The following MAST4 variants were observed in gnomAD, a reference collection of about 807,000 sequenced individuals.
The protein encoded by MAST4 is microtubule-associated serine/threonine-protein kinase 4.
A neutral mutation model predicts 162.7 loss-of-function variants in MAST4; 89 were observed. The observed-to-expected ratio is 0.55, with a 90% CI of 0.46 to 0.65. The LOEUF is 0.65. MAST4 is among the 30% of genes least tolerant of loss of function. The probability of loss-of-function intolerance (pLI) is 0.00; values close to 1 mark genes in which losing one functional copy is unlikely to be tolerated. For missense variants in MAST4, 3,153 were observed against 3,374.0 expected, an observed-to-expected ratio of 0.93 and a Z score of 1.62; for synonymous variants, 1,479 against 1,361.1, an observed-to-expected ratio of 1.09 and a Z score of -1.91.
chr5:67,100,487 C>A lies in MAST4; in HGVS notation c.965C>A (p.Pro322Gln), dbSNP rs755039379. ...KLHQLPYQPTPDELHFLSKHF... is the reference protein window; with the variant it reads ...KLHQLPYQPTQDELHFLSKHF... Reference sequence around the variant, plus strand: ...CATCAGTTACCATACCAACCAACACCAGACGAGTTACACTTCTTATCAAAA... The same window carrying A: ...CATCAGTTACCATACCAACCAACACAAGACGAGTTACACTTCTTATCAAAA... Residue 322 changes from proline to glutamine, a missense_variant, in exon 8 of 29, where the codon CCA (proline) becomes CAA (glutamine). Transcript: ENST00000403625. 6.2e-7 allele frequency: 1 copy of A among 1,613,916 alleles called. No individual in the cohort carries two copies. The highest frequency in any genetic ancestry group is 8.5e-7 in the Non-Finnish European group (1 of 1,179,850).
intron 3 of MAST4, among the ~76,000 whole-genome samples, chr5:66,875,314 T>C (rs1371488864): frequency 2.6e-5 from 4 of 152,218 alleles, no homozygotes; most frequent in Admixed American, 6.5e-5. Flanking sequence ...CCTTCAGGGA[T>C]GATAAATTTC....
chr5:66,618,292 G>C (rs1311384377), intron 1 of MAST4, among the ~76,000 whole-genome samples: 1 of 152,192 alleles, frequency 6.6e-6, no homozygotes, highest in African/African-American at 2.4e-5. Flanking sequence ...GTGAGAAAAC[G>C]GGGGTTTCAG....
intron 3 of MAST4, among the ~76,000 whole-genome samples, chr5:66,873,924 T>G (rs747064685): frequency 2.6e-5 from 4 of 152,204 alleles, no homozygotes; most frequent in Non-Finnish European, 5.9e-5. Flanking sequence ...GAAATTACTT[T>G]AAAGCTATAG....
chr5:66,720,049 T>G (rs1291465975), intron 1 of MAST4, among the ~76,000 whole-genome samples: 1 of 152,208 alleles, frequency 6.6e-6, no homozygotes, highest in Non-Finnish European at 1.5e-5. Context: ...TATTAAGCAC[T>G]TTACGTATTT....
chr5:66,748,461 T>TCCCTCAC (rs1580354593), intron 1 of MAST4, among the ~76,000 whole-genome samples: 9 of 15,400 alleles, frequency 5.8e-4, no homozygotes, highest in African/African-American at 1.9e-3. Context: ...CACTCCCTCC[T>TCCCTCAC]TCCTTCCTTC....
chr5:67,160,670 T>C (rs1231506486), intron 27 of MAST4, 78 bp downstream of exon 27: 11 of 1,459,046 alleles, frequency 7.5e-6, no homozygotes, highest in Middle Eastern at 1.8e-4. Context: ...TAAATGCTTA[T>C]ATATGAAGAA....
rs755218558 is a variant in MAST4, at chr5:67,167,005, G to C, written c.7826G>C (p.Arg2609Pro). The C allele has an allele frequency of 6.2e-7, 1 of 1,607,070 alleles. No individual in the cohort carries two copies. Among genetic ancestry groups the C allele is most frequent in the Non-Finnish European group, 8.5e-7 (1 of 1,177,008 alleles). Residue 2609 changes from arginine to proline, a missense_variant, in exon 29 of 29, where the codon CGG becomes CCG. Transcript: ENST00000403625. ...NEKDFVVRQR[R>P]GKESLRSSPH... The stretch of plus-strand genomic sequence containing the variant: ...AAGGACTTTGTGGTACGGCAGAGGC[G>C]GGGGAAAGAGAGTTTGCGTAGCAGC...
intron 4 of MAST4, among the ~76,000 whole-genome samples, chr5:66,953,204 G>A (rs1195526459): frequency 1.3e-5 from 2 of 152,074 alleles, no homozygotes; most frequent in African/African-American, 4.8e-5. Flanking sequence ...AACATTCAGG[G>A]AACACGATTG....
chr5:66,617,995 A>G (rs1352848271), intron 1 of MAST4, among the ~76,000 whole-genome samples: 1 of 148,928 alleles, frequency 6.7e-6, no homozygotes, highest in Non-Finnish European at 1.5e-5. Flanking sequence ...TGGAGCTTTG[A>G]CATCGTCTAC....
chr5:66,780,472 C>G (rs1297531278), intron 2 of MAST4, among the ~76,000 whole-genome samples: 1 of 152,154 alleles, frequency 6.6e-6, no homozygotes, highest in South Asian at 2.1e-4. Flanking sequence ...CCAGTGGGCT[C>G]GTGGTCTCGC....
At chr5:67,101,839 C>T (rs1166431011) in intron 8 of MAST4, among the ~76,000 whole-genome samples, 1 of 151,618 alleles carries the variant, frequency 6.6e-6, no homozygotes, top group East Asian at 1.9e-4. Flanking sequence ...TAAAGGAATT[C>T]CTAAGGTGCG....
chr5:66,979,366 A>G (rs1158317428), intron 4 of MAST4, among the ~76,000 whole-genome samples: 1 of 152,086 alleles, frequency 6.6e-6, no homozygotes, highest in East Asian at 1.9e-4. Flanking sequence ...CCTGTGGTTT[A>G]GGTCTGGACT....
At chr5:66,729,362 G>T (rs938728760) in intron 1 of MAST4, among the ~76,000 whole-genome samples, 2 of 152,142 alleles carry the variant, frequency 1.3e-5, no homozygotes, top group Non-Finnish European at 2.9e-5. Flanking sequence ...ATCTGAACAG[G>T]CTTTGTTAGA....
chr5:66,647,514 C>A (rs539025972), intron 1 of MAST4, among the ~76,000 whole-genome samples: 3 of 151,332 alleles, frequency 2.0e-5, no homozygotes, highest in Admixed American at 2.0e-4. Flanking sequence ...ATAAATAAAC[C>A]AAATCTAAAA....
Position 66,996,450 on chromosome 5 carries a change from T to C in MAST4, c.675-57954T>C, listed in dbSNP as rs946359447. 2.6e-5 allele frequency among the ~76,000 whole-genome samples: 4 copies of C among 152,180 alleles called. No homozygotes were observed. The South Asian group carries it at 8.3e-4, about 31-fold the overall frequency. ...ATATTTTTTAAAAATATCATTGTTT[T>C]AGTTTCTTCTGGTTACTATAACAAA... On this transcript the variant is annotated intron_variant, in intron 4 of 28. Coordinates refer to ENST00000403625, the MANE Select transcript of MAST4 (RefSeq NM_001164664.2).
chr5:66,993,724 A>C (rs1417504217), intron 4 of MAST4, among the ~76,000 whole-genome samples: 4 of 152,214 alleles, frequency 2.6e-5, no homozygotes, highest in Non-Finnish European at 5.9e-5. Context: ...ACAGGCACAT[A>C]AACAACAGAG....
At chr5:66,963,605 A>G (rs1394312854) in intron 4 of MAST4, 3 of 722,508 alleles carry the variant, frequency 4.2e-6, no homozygotes, top group Non-Finnish European at 7.7e-6. Context: ...TAAGCTTGCC[A>G]TAGTGATTCT....
In MAST4 at chr5:67,165,970, T is replaced by C; in HGVS notation, c.6791T>C (p.Ile2264Thr). The change falls in exon 29 of 29, where the codon ATT (isoleucine) becomes ACT (threonine). Residue 2264 changes from isoleucine (I) to threonine (T), a missense_variant. Physicochemically the swap from Ile to Thr is moderately conservative, Grantham distance 89. This residue lies in a region of MAST4 where 1,644 missense variants were observed against 1,495.0 expected (regional missense o/e 1.10). Transcript: ENST00000403625. ...TCCCAGAACAAAGCCAGCGATGGGA[T>C]TGGCCAGGGAGAAGGTGGGCCCTCT... ...PGSQNKASDG[I>T]GQGEGGPSVP... is the part of the protein sequence containing the mutation. The C allele has an allele frequency of 6.2e-7, 1 of 1,613,398 alleles. No individual in the cohort carries two copies. The highest frequency in any genetic ancestry group is 8.5e-7 in the Non-Finnish European group (1 of 1,179,816).
chr5:66,949,196 T>C (rs1744381711), intron 4 of MAST4, among the ~76,000 whole-genome samples: 1 of 152,158 alleles, frequency 6.6e-6, no homozygotes, highest in Non-Finnish European at 1.5e-5. Flanking sequence ...AATGCAGTAG[T>C]TGGAGTCAGA....
Sources: gnomAD v4.1 joint callset for allele counts (sites outside exome capture counted in the v4.1 genomes callset) on GRCh38, gnomAD v4.1.1 for gene constraint, gnomAD v4.1.1 regional missense constraint, MANE v1.5 for transcripts, NCBI Gene and HGNC (gene_info 2026-07-23, HGNC 2026-07-21) for gene names.